The following CSDC2 variants were observed in gnomAD, a reference collection of about 807,000 sequenced individuals.
CSDC2 encodes cold shock domain containing C2, also known as cold shock domain-containing protein C2.
CSDC2 carries 8 observed loss-of-function variants against 15.8 expected under a neutral mutation model. That is an observed-to-expected ratio of 0.51 (90% CI 0.30 to 0.92). CSDC2 has a LOEUF of 0.92. CSDC2 is among the 40% of genes least tolerant of loss of function. CSDC2 has a pLI of 0.07. For missense variants in CSDC2, 195 were observed against 213.3 expected, an observed-to-expected ratio of 0.91 and a Z score of 0.53; for synonymous variants, 96 against 92.3, an observed-to-expected ratio of 1.04 and a Z score of -0.23.
chr22:41,562,333 C>T (rs1055892157), intron 1 of CSDC2, among the ~76,000 whole-genome samples: 2 of 149,906 alleles, frequency 1.3e-5, no homozygotes, highest in African/African-American at 4.9e-5. Context: ...CTGCCGCCCC[C>T]CATTTCCTTG....
intron 1 of CSDC2, among the ~76,000 whole-genome samples, chr22:41,566,647 A>AAG (rs2067117017): frequency 7.0e-6 from 1 of 143,236 alleles, no homozygotes. Context: ...AAAAAAAAAA[A>AAG]GGGGGAGGGT....
intron 1 of CSDC2, among the ~76,000 whole-genome samples, chr22:41,565,863 C>G (rs2067111087): frequency 6.6e-6 from 1 of 152,216 alleles, no homozygotes. Context: ...TGAAGATGAG[C>G]TTGGCTCAGA....
intron 1 of CSDC2, among the ~76,000 whole-genome samples, chr22:41,568,649 G>T (rs2067129124): frequency 6.6e-6 from 1 of 152,186 alleles, no homozygotes; most frequent in Admixed American, 6.5e-5. Flanking sequence ...GGGCGACAGG[G>T]GAGAAGCCTG....
chr22:41,569,557 C>A (rs903403260), intron 1 of CSDC2, among the ~76,000 whole-genome samples: 6 of 152,164 alleles, frequency 3.9e-5, no homozygotes, highest in African/African-American at 1.4e-4. Context: ...TGCAAACATT[C>A]TCGCATAATG....
At chr22:41,569,283 C>T (rs1033188490) in intron 1 of CSDC2, among the ~76,000 whole-genome samples, 7 of 152,212 alleles carry the variant, frequency 4.6e-5, no homozygotes, top group Non-Finnish European at 7.3e-5. Flanking sequence ...ACTGAGATAT[C>T]GTTCATATAC....
In CSDC2 at chr22:41,571,959, C is replaced by T; in HGVS notation, c.-7C>T. ...AGAGCCCACCAGGCTCTCCTGCTGGCCCCACCATGACTTCAGAGTCGACGT... is the reference window on the plus strand; with the variant it reads ...AGAGCCCACCAGGCTCTCCTGCTGGTCCCACCATGACTTCAGAGTCGACGT... On this transcript the variant is annotated 5_prime_UTR_variant, in exon 2 of 4. Coordinates refer to ENST00000306149, the MANE Select transcript of CSDC2 (RefSeq NM_014460.4). 7.5e-7 allele frequency: 1 copy of T among 1,332,698 alleles called. No homozygotes were observed. The highest frequency in any genetic ancestry group is 9.6e-7 in the Non-Finnish European group (1 of 1,036,408). The allele number at this position is 1,332,698 out of a possible 1,614,324, so 82.6% of individuals were successfully genotyped here.
chr22:41,565,964 G>A (rs886911411), intron 1 of CSDC2, among the ~76,000 whole-genome samples: 5 of 152,118 alleles, frequency 3.3e-5, no homozygotes, highest in Non-Finnish European at 5.9e-5. Context: ...ACCTGGGTAG[G>A]ATGTTATGAT....
At chr22:41,563,886 ACG>A (rs2067099927) in intron 1 of CSDC2, among the ~76,000 whole-genome samples, 1 of 150,922 alleles carries the variant, frequency 6.6e-6, no homozygotes, top group African/African-American at 2.4e-5. Context: ...CCTGGCTAAC[ACG>A]GTGAAACCCC....
At chr22:41,561,814 C>T (rs1028482330) in intron 1 of CSDC2, among the ~76,000 whole-genome samples, 4 of 152,334 alleles carry the variant, frequency 2.6e-5, no homozygotes, top group African/African-American at 9.6e-5. Flanking sequence ...CTGACCTCCA[C>T]CCTTGCCAGG....
intron 1 of CSDC2, among the ~76,000 whole-genome samples, chr22:41,565,532 T>G (rs963955389): frequency 1.3e-5 from 2 of 151,526 alleles, no homozygotes; most frequent in Non-Finnish European, 2.9e-5. Flanking sequence ...AGACTGAGGC[T>G]GCAGTGAGCC....
At chr22:41,566,008 C>T (rs1438206023) in intron 1 of CSDC2, among the ~76,000 whole-genome samples, 1 of 152,014 alleles carries the variant, frequency 6.6e-6, no homozygotes, top group African/African-American at 2.4e-5. Context: ...ATCTGAGGCA[C>T]AAAAAGGGAG....
At chr22:41,562,916 T>C (rs2067094773) in intron 1 of CSDC2, among the ~76,000 whole-genome samples, 2 of 152,140 alleles carry the variant, frequency 1.3e-5, no homozygotes, top group East Asian at 3.9e-4. Flanking sequence ...CTTTGACCAG[T>C]CTATTCCTCT....
Position 41,561,936 on chromosome 22 carries a change from C to T in CSDC2, c.-124+753C>T, listed in dbSNP as rs148522042. Among the ~76,000 whole-genome samples, 124 of 152,284 alleles carry T rather than the reference C, an allele frequency of 8.1e-4. 1 individual carries two copies. In the Middle Eastern group the frequency reaches 0.014, roughly 17 times the overall value. ...GTGCCAAGCCCATGAATGGCCTGAC[C>T]CTGGCACAAGGAGTCCAGGCGGAGA... On this transcript the variant is annotated intron_variant, in intron 1 of 3. Transcript: ENST00000306149.
chr22:41,571,210 C>T (rs2067143767), intron 1 of CSDC2, among the ~76,000 whole-genome samples: 1 of 151,630 alleles, frequency 6.6e-6, no homozygotes, highest in African/African-American at 2.4e-5. Flanking sequence ...AAAAATCAGC[C>T]AGGTGTGGTG....
At chr22:41,561,576 G>A (rs1222443945) in intron 1 of CSDC2, among the ~76,000 whole-genome samples, 1 of 152,256 alleles carries the variant, frequency 6.6e-6, no homozygotes, top group Non-Finnish European at 1.5e-5. Context: ...AGTGCAGCAG[G>A]GACCCTTGCT....
At chr22:41,561,732 G>A (rs975362963) in intron 1 of CSDC2, among the ~76,000 whole-genome samples, 11 of 152,170 alleles carry the variant, frequency 7.2e-5, no homozygotes, top group African/African-American at 1.2e-4. Context: ...AGGTGGCTCC[G>A]TGTGGTTATT....
chr22:41,563,680 C>A (rs1484705825), intron 1 of CSDC2, among the ~76,000 whole-genome samples: 4 of 152,074 alleles, frequency 2.6e-5, no homozygotes, highest in Non-Finnish European at 4.4e-5. Flanking sequence ...TCTTCACCTC[C>A]CCAGACATCT....
intron 1 of CSDC2, 115 bp from the exon 2 acceptor site, chr22:41,571,728 A>C: frequency 2.9e-6 from 1 of 347,628 alleles, no homozygotes; most frequent in Non-Finnish European, 5.1e-6. Context: ...GTCGTTTGTG[A>C]CTTGAAGTAA....
At chr22:41,568,956 G>A (rs946247739) in intron 1 of CSDC2, among the ~76,000 whole-genome samples, 18 of 152,234 alleles carry the variant, frequency 1.2e-4, no homozygotes, top group Non-Finnish European at 1.8e-4. Context: ...GCTCAGCCGC[G>A]TCTCCCTGGT....
Sources: allele counts gnomAD v4.1 joint callset (sites outside exome capture counted in the v4.1 genomes callset), GRCh38; gene constraint gnomAD v4.1.1; transcripts MANE v1.5; gene names NCBI Gene and HGNC (gene_info 2026-07-23, HGNC 2026-07-21).